Variants in ANO2 observed in about 807,000 individuals in gnomAD.
The protein encoded by ANO2 is anoctamin-2.
Under a neutral mutation model 124.2 loss-of-function variants are expected in ANO2, and 101 were observed. The ratio of observed to expected loss-of-function variants is 0.81; its 90% CI spans 0.69 to 0.96. The LOEUF is 0.96. Ranked by LOEUF, ANO2 falls within the 40% of genes least tolerant of loss-of-function variation. ANO2 has a pLI of 0.00. For synonymous variants in ANO2, 486 were observed against 482.5 expected (o/e 1.01, Z -0.09); for missense variants, 1,293 against 1,274.5 (o/e 1.01, Z -0.22).
At position 5,744,333 on chromosome 12, in the gene ANO2, G is replaced by A. The variant is rs1259384926; in HGVS notation, c.1191-16C>T. ...CATCTCTCTGCTGCAATAGATGGAGGTTGTTGGGTCAGGTGGAGCTCAAGC... is the reference window on the plus strand; with the variant it reads ...CATCTCTCTGCTGCAATAGATGGAGATTGTTGGGTCAGGTGGAGCTCAAGC... On this transcript the variant is annotated splice_polypyrimidine_tract_variant and intron_variant, in intron 11 of 24. Coordinates refer to ENST00000682330, the MANE Select transcript of ANO2 (RefSeq NM_001364791.2). 9 of 1,613,628 alleles carry A rather than the reference G, an allele frequency of 5.6e-6. No individual in the cohort carries two copies. Among genetic ancestry groups the A allele is most frequent in the African/African-American group, 1.3e-5 (1 of 74,920 alleles).
chr12:5,915,144 A>T (rs1941306254), intron 3 of ANO2, among the ~76,000 whole-genome samples: 1 of 152,162 alleles, frequency 6.6e-6, no homozygotes. Flanking sequence ...CATTTATATG[A>T]ATTGGTAGGG....
chr12:5,587,989 G>A (rs1335893963), intron 20 of ANO2, among the ~76,000 whole-genome samples: 1 of 152,244 alleles, frequency 6.6e-6, no homozygotes, highest in Non-Finnish European at 1.5e-5. Flanking sequence ...CCTACTGACA[G>A]GCCCAGAGTG....
At chr12:5,625,997 A>C (rs1321471683) in intron 16 of ANO2, among the ~76,000 whole-genome samples, 1 of 152,124 alleles carries the variant, frequency 6.6e-6, no homozygotes, top group Non-Finnish European at 1.5e-5. Flanking sequence ...GGGCTCAAAG[A>C]TTTGCTCTTA....
intron 14 of ANO2, among the ~76,000 whole-genome samples, chr12:5,679,188 A>G (rs1948387958): frequency 6.6e-6 from 1 of 152,234 alleles, no homozygotes; most frequent in African/African-American, 2.4e-5. Context: ...AAAACCCTAA[A>G]AGAAAATCTA....
rs1038282280 is a variant in ANO2 at position 5,635,557 on chromosome 12, A to G, written c.1621-210T>C. Among the ~76,000 whole-genome samples, 3 of 151,478 alleles carry G rather than the reference A, an allele frequency of 2.0e-5. No homozygotes were observed. The highest frequency in any genetic ancestry group is 4.9e-5 in the African/African-American group (2 of 41,192). ...AGTTCTGAGTGGAGGTGCATTTTCCAGGGGAGAATGTCTTAATTTTTGTCA... is the reference window on the plus strand; with the variant it reads ...AGTTCTGAGTGGAGGTGCATTTTCCGGGGGAGAATGTCTTAATTTTTGTCA... On this transcript the variant is annotated intron_variant, in intron 15 of 24. Coordinates refer to ENST00000682330, the MANE Select transcript of ANO2 (RefSeq NM_001364791.2). This position sits in a 1 kb window ranked among gnomAD's most constrained non-coding sequence, Gnocchi z 5.2.
At chr12:5,626,733 C>A (rs190833828) in intron 16 of ANO2, among the ~76,000 whole-genome samples, 1 of 152,080 alleles carries the variant, frequency 6.6e-6, no homozygotes, top group Non-Finnish European at 1.5e-5. Context: ...CCAGGAAGAA[C>A]CAAGAGGGAG....
chr12:5,822,263 A>G (rs1953825328), intron 7 of ANO2, among the ~76,000 whole-genome samples: 2 of 152,180 alleles, frequency 1.3e-5, no homozygotes, highest in Non-Finnish European at 2.9e-5. Flanking sequence ...CATGATTGGA[A>G]AATTGGTGAC....
At chr12:5,765,704 G>A (rs1951870485) in intron 10 of ANO2, among the ~76,000 whole-genome samples, 1 of 152,136 alleles carries the variant, frequency 6.6e-6, no homozygotes, top group African/African-American at 2.4e-5. Context: ...TTCACTTCTG[G>A]TTATCTCATT....
intron 3 of ANO2, 58 bp from the exon 4 acceptor site, chr12:5,854,199 C>T: frequency 6.7e-7 from 1 of 1,501,332 alleles, no homozygotes; most frequent in Non-Finnish European, 9.2e-7. Context: ...GCTTAAACTC[C>T]TGGTTCTTCA....
chr12:5,752,750 T>C (rs969233422), intron 10 of ANO2, among the ~76,000 whole-genome samples: 1 of 152,238 alleles, frequency 6.6e-6, no homozygotes, highest in Admixed American at 6.5e-5. Context: ...TTTGTCTATT[T>C]TTGCTTTTGT....
chr12:5,766,465 T>C (rs1265559725), intron 10 of ANO2, among the ~76,000 whole-genome samples: 1 of 152,250 alleles, frequency 6.6e-6, no homozygotes, highest in Non-Finnish European at 1.5e-5. Context: ...TATATATGTA[T>C]TGTATTCTTC....
chr12:5,857,361 T>C (rs73255176), intron 3 of ANO2, among the ~76,000 whole-genome samples: 2,623 of 152,226 alleles, frequency 0.017, 68 homozygotes, highest in African/African-American at 0.056. Context: ...CCTTGATATA[T>C]TGATTTCTTT....
intron 3 of ANO2, among the ~76,000 whole-genome samples, chr12:5,905,974 G>A (rs889818637): frequency 3.9e-5 from 6 of 152,082 alleles, no homozygotes; most frequent in Admixed American, 6.5e-5. Flanking sequence ...CTCTTCGGGC[G>A]TCTCCTCAGG....
chr12:5,711,809 T>C (rs1024420798), intron 14 of ANO2, among the ~76,000 whole-genome samples: 4 of 152,222 alleles, frequency 2.6e-5, no homozygotes, highest in African/African-American at 9.6e-5. Flanking sequence ...CTCCCCATGA[T>C]TTGTAATATT....
At chr12:5,837,427 C>G (rs1239890225) in intron 4 of ANO2, among the ~76,000 whole-genome samples, 1 of 145,556 alleles carries the variant, frequency 6.9e-6, no homozygotes, top group South Asian at 2.2e-4. Flanking sequence ...GCTGCACCCA[C>G]TAACTCGTCA....
Position 5,587,631 on chromosome 12 carries a change from G to A in ANO2, c.2234-9113C>T, listed in dbSNP as rs560369661. ...TTTTCTTTCATCCCCTCCGAGATGG[G>A]GGAGTGGGAGACGATTCCTAAAGTC... is the stretch of plus-strand genomic sequence containing the variant. On this transcript the variant is annotated intron_variant, in intron 20 of 24. Transcript: ENST00000682330. Among the ~76,000 whole-genome samples the A allele has an allele frequency of 2.0e-5, 3 of 152,246 alleles. No individual in the cohort carries two copies. In the South Asian group the frequency reaches 6.2e-4, roughly 32 times the overall value.
intron 6 of ANO2, among the ~76,000 whole-genome samples, 198 bp from the exon 7 acceptor site, chr12:5,828,018 T>A (rs1954034502): frequency 6.6e-6 from 1 of 152,082 alleles, no homozygotes; most frequent in Non-Finnish European, 1.5e-5. Context: ...ACAAGGGATG[T>A]AAGGCCCGCG....
chr12:5,631,518 C>T (rs1196485136), intron 16 of ANO2, among the ~76,000 whole-genome samples: 4 of 152,200 alleles, frequency 2.6e-5, no homozygotes, highest in African/African-American at 4.8e-5. Context: ...GGGACCTTGT[C>T]GCTTGTCTTT....
rs570765675 is a variant in ANO2, at chr12:5,828,238, T to C, written c.841-418A>G. Among the ~76,000 whole-genome samples, 7 of 152,044 alleles carry C rather than the reference T, an allele frequency of 4.6e-5. No individual in the cohort carries two copies. In the South Asian group the frequency reaches 1.2e-3, roughly 27 times the overall value. On this transcript the variant is annotated intron_variant, in intron 6 of 24. Transcript: ENST00000682330. ...GAACCTCAGGGAAGGCGGGGTTCTG[T>C]CTGGCGGGTCCCGGGGAGGGGCGGG...
Sources: gnomAD v4.1 joint callset for allele counts (sites outside exome capture counted in the v4.1 genomes callset) on GRCh38, gnomAD v4.1.1 for gene constraint, Gnocchi (gnomAD v3.1) non-coding constraint, MANE v1.5 for transcripts, NCBI Gene and HGNC (gene_info 2026-07-23, HGNC 2026-07-21) for gene names.